The following IL1RAPL1 variants were observed in gnomAD, a reference collection of about 807,000 sequenced individuals.
IL1RAPL1 encodes the protein interleukin-1 receptor accessory protein-like 1.
A neutral mutation model predicts 48.4 loss-of-function variants in IL1RAPL1; 3 were observed. The observed-to-expected ratio is 0.06, with a 90% confidence interval of 0.03 to 0.16. The LOEUF (loss-of-function observed/expected upper bound fraction) is 0.16, where lower values mean the gene tolerates loss of function less well. IL1RAPL1 is among the 10% of genes least tolerant of loss of function. The pLI is 1.00. For synonymous variants in IL1RAPL1, 185 were observed against 187.7 expected (o/e 0.99, Z 0.12); for missense variants, 349 against 530.6 (o/e 0.66, Z 3.36).
intron 5 of IL1RAPL1, among the ~76,000 whole-genome samples, chrX:29,475,172 T>C (rs972889400): frequency 8.9e-6 from 1 of 112,118 alleles, no homozygotes; most frequent in African/African-American, 3.2e-5. Flanking sequence ...TGTTTATGCT[T>C]ATTGTACCAG....
chrX:29,351,340 T>C (rs1396427910), intron 3 of IL1RAPL1, among the ~76,000 whole-genome samples: 1 of 111,751 alleles, frequency 8.9e-6, no homozygotes, highest in African/African-American at 3.3e-5. Flanking sequence ...AGTCCTGGTC[T>C]ACCATTTATA....
chrX:29,859,291 A>G (rs954144724), intron 6 of IL1RAPL1, among the ~76,000 whole-genome samples: 1 of 111,683 alleles, frequency 9.0e-6, no homozygotes, highest in Non-Finnish European at 1.9e-5. Flanking sequence ...TTTTTCTTTT[A>G]CAGTTGGTAA....
chrX:28,984,507 T>C (rs1256158273), intron 2 of IL1RAPL1, among the ~76,000 whole-genome samples: 1 of 112,180 alleles, frequency 8.9e-6, no homozygotes, highest in Non-Finnish European at 1.9e-5. Flanking sequence ...CGTGTCAAAA[T>C]ATTTAAGGAT....
chrX:28,873,614 T>C (rs369710787), intron 2 of IL1RAPL1, among the ~76,000 whole-genome samples: 83 of 99,445 alleles, frequency 8.3e-4, no homozygotes, highest in East Asian at 2.0e-3. Flanking sequence ...TCACTGCAAG[T>C]TCCGCCTCCG....
At chrX:29,782,197 C>T (rs756460428) in intron 6 of IL1RAPL1, among the ~76,000 whole-genome samples, 18 of 109,372 alleles carry the variant, frequency 1.6e-4, no homozygotes, top group Non-Finnish European at 3.2e-4. Flanking sequence ...GAGAGAGAGG[C>T]GGAACATAAA....
chrX:29,633,291 A>G (rs991871997), intron 5 of IL1RAPL1, among the ~76,000 whole-genome samples: 1 of 111,511 alleles, frequency 9.0e-6, no homozygotes, highest in African/African-American at 3.3e-5. Context: ...AAATTTCCAA[A>G]ACAGTAAAAT....
At chrX:29,160,562 G>A (rs1311202540) in intron 2 of IL1RAPL1, among the ~76,000 whole-genome samples, 1 of 111,965 alleles carries the variant, frequency 8.9e-6, no homozygotes, top group Non-Finnish European at 1.9e-5. Context: ...TACATAGGAT[G>A]CCAAATTTCC....
At chrX:29,636,910 A>G (rs1924982401) in intron 5 of IL1RAPL1, among the ~76,000 whole-genome samples, 1 of 110,005 alleles carries the variant, frequency 9.1e-6, no homozygotes, top group Non-Finnish European at 1.9e-5. Context: ...TACAAATACA[A>G]AATACAGGTG....
intron 5 of IL1RAPL1, among the ~76,000 whole-genome samples, chrX:29,417,860 C>T (rs1934236543): frequency 9.2e-6 from 1 of 108,776 alleles, no homozygotes; most frequent in Admixed American, 1.0e-4. Context: ...AACATATTTG[C>T]TTTATTCACC....
chrX:29,733,656 G>A (rs887233830), intron 6 of IL1RAPL1, among the ~76,000 whole-genome samples: 1 of 112,276 alleles, frequency 8.9e-6, no homozygotes, highest in Non-Finnish European at 1.9e-5. Context: ...TCCCATTGGG[G>A]CATCACAAAA....
At chrX:28,892,160 T>G (rs1922788254) in intron 2 of IL1RAPL1, among the ~76,000 whole-genome samples, 1 of 111,011 alleles carries the variant, frequency 9.0e-6, no homozygotes, top group Non-Finnish European at 1.9e-5. Flanking sequence ...ACAGGCTTTG[T>G]GTGAGCAATA....
chrX:29,522,362 T>C (rs1292463093), intron 5 of IL1RAPL1, among the ~76,000 whole-genome samples: 2 of 110,662 alleles, frequency 1.8e-5, no homozygotes, highest in Non-Finnish European at 3.8e-5. Context: ...GGTCGCATTA[T>C]ATTGCCCAGA....
intron 1 of IL1RAPL1, among the ~76,000 whole-genome samples, chrX:28,655,490 G>GT (rs910808489): frequency 9.0e-6 from 1 of 111,133 alleles, no homozygotes; most frequent in African/African-American, 3.3e-5. Flanking sequence ...AAAAACTAAA[G>GT]TTTTTAATGC....
intron 2 of IL1RAPL1, among the ~76,000 whole-genome samples, chrX:28,982,500 G>T (rs745935440): frequency 2.7e-5 from 3 of 112,339 alleles, no homozygotes; most frequent in Non-Finnish European, 3.8e-5. Flanking sequence ...GCGCTCTTCA[G>T]TAGCCAAAAT....
chrX:29,385,280 G>A (rs1933760369), intron 3 of IL1RAPL1, among the ~76,000 whole-genome samples: 1 of 111,570 alleles, frequency 9.0e-6, no homozygotes, highest in Non-Finnish European at 1.9e-5. Context: ...CATGGAGAAA[G>A]CCCGTCTCTA....
intron 6 of IL1RAPL1, among the ~76,000 whole-genome samples, chrX:29,709,577 A>T (rs748700894): frequency 1.8e-5 from 2 of 111,199 alleles, no homozygotes; most frequent in African/African-American, 6.5e-5. Context: ...GCTCTGTAAG[A>T]TATTTTGAAA....
At chrX:29,309,100 A>T (rs1274561236) in intron 3 of IL1RAPL1, among the ~76,000 whole-genome samples, 1 of 112,650 alleles carries the variant, frequency 8.9e-6, no homozygotes, top group Non-Finnish European at 1.9e-5. Context: ...TTGCAATCTT[A>T]TTCTATCTCT....
chrX:28,648,847 G>C (rs1294974450), intron 1 of IL1RAPL1, among the ~76,000 whole-genome samples: 1 of 111,811 alleles, frequency 8.9e-6, no homozygotes. Flanking sequence ...CAGAAACTCA[G>C]GGAAAGTAAT....
intron 2 of IL1RAPL1, among the ~76,000 whole-genome samples, chrX:29,174,713 A>C (rs1395208091): frequency 8.9e-6 from 1 of 111,925 alleles, no homozygotes; most frequent in Non-Finnish European, 1.9e-5. Flanking sequence ...TGATTTATTT[A>C]AATTGCGGTG....
Sources: gnomAD v4.1 joint callset for allele counts (sites outside exome capture counted in the v4.1 genomes callset) on GRCh38, gnomAD v4.1.1 for gene constraint, MANE v1.5 for transcripts, NCBI Gene and HGNC (gene_info 2026-07-23, HGNC 2026-07-21) for gene names.